Variants in ALPK1 observed in about 807,000 individuals in gnomAD.
The protein encoded by ALPK1 is alpha-protein kinase 1.
A neutral mutation model predicts 120.6 loss-of-function variants in ALPK1; 110 were observed. The ratio of observed to expected loss-of-function variants is 0.91; its 90% CI spans 0.78 to 1.07. ALPK1 has a LOEUF of 1.07. Ranked by LOEUF, ALPK1 falls within the 50% of genes least tolerant of loss-of-function variation. The probability of loss-of-function intolerance (pLI) is 0.00; values close to 1 mark genes in which losing one functional copy is unlikely to be tolerated. For synonymous variants in ALPK1, 582 were observed against 560.3 expected, an observed-to-expected ratio of 1.04 and a Z score of -0.55; for missense variants, 1,498 against 1,483.9, an observed-to-expected ratio of 1.01 and a Z score of -0.16.
intron 2 of ALPK1, among the ~76,000 whole-genome samples, chr4:112,372,936 G>A (rs550896922): frequency 6.6e-6 from 1 of 151,994 alleles, no homozygotes; most frequent in African/African-American, 2.4e-5. Context: ...ATGATATTGT[G>A]GTTTTATTTC....
chr4:112,432,680 T>TGAGTTC, intron 11 of ALPK1, 99 bp downstream of exon 11: 1 of 1,171,094 alleles, frequency 8.5e-7, no homozygotes, highest in Non-Finnish European at 1.2e-6. Context: ...TCATGAAAGG[T>TGAGTTC]ATAGAACCCT....
At chr4:112,405,048 G>A (rs373246185) in intron 4 of ALPK1, among the ~76,000 whole-genome samples, 1 of 152,168 alleles carries the variant, frequency 6.6e-6, no homozygotes, top group Non-Finnish European at 1.5e-5. Context: ...CCAGCTTTGG[G>A]TGGTTTCTTT....
chr4:112,319,219 A>C (rs1409847706), intron 2 of ALPK1, among the ~76,000 whole-genome samples: 2 of 152,178 alleles, frequency 1.3e-5, no homozygotes, highest in Non-Finnish European at 2.9e-5. Flanking sequence ...TTATGAGGTG[A>C]GGTTGGCAGC....
At chr4:112,307,079 C>A (rs528022268) in intron 1 of ALPK1, among the ~76,000 whole-genome samples, 1 of 152,168 alleles carries the variant, frequency 6.6e-6, no homozygotes, top group Admixed American at 6.5e-5. Flanking sequence ...GTTTCTTAAT[C>A]CTGAGTTTTA....
intron 1 of ALPK1, among the ~76,000 whole-genome samples, chr4:112,301,430 C>T (rs1047494951): frequency 2.0e-5 from 3 of 152,160 alleles, no homozygotes; most frequent in African/African-American, 7.2e-5. Context: ...AGCTCAGCAA[C>T]TGTTAGAAGC....
chr4:112,402,219 T>C (rs1732947132), intron 4 of ALPK1, among the ~76,000 whole-genome samples: 1 of 152,246 alleles, frequency 6.6e-6, no homozygotes, highest in South Asian at 2.1e-4. Flanking sequence ...CCCTTTACAC[T>C]GCTCCTGCCA....
chr4:112,411,645 T>G (rs568541558), intron 4 of ALPK1, 182 bp from the exon 5 acceptor site: 2 of 614,844 alleles, frequency 3.3e-6, no homozygotes, highest in Non-Finnish European at 5.7e-6. Context: ...AATACTATTT[T>G]ATTGCACAAT....
At chr4:112,428,364 C>T (rs1381582138) in intron 9 of ALPK1, among the ~76,000 whole-genome samples, 2 of 152,146 alleles carry the variant, frequency 1.3e-5, no homozygotes, top group South Asian at 2.1e-4. Context: ...GTCTATATTG[C>T]CATTTTTATT....
chr4:112,317,699 C>T (rs1047915342), intron 2 of ALPK1, among the ~76,000 whole-genome samples: 2 of 151,888 alleles, frequency 1.3e-5, no homozygotes, highest in Admixed American at 1.3e-4. Flanking sequence ...TATTCCAAGT[C>T]CCTTGAGATT....
At position 112,356,236 on chromosome 4, in the gene ALPK1, GA is replaced by G; in HGVS notation, c.-100-21440del. The G allele has an allele frequency of 2.6e-6, 4 of 1,534,042 alleles. 1 individual carries two copies. In the South Asian group the frequency reaches 4.5e-5, roughly 17 times the overall value. On this transcript the variant is annotated intron_variant, in intron 2 of 15. Coordinates refer to ENST00000650871, the MANE Select transcript of ALPK1 (RefSeq NM_025144.4). ...CCAAGGTCCTGGAATGTCTGCAGAT[GA>G]ATGGCATCCTGGAGAGCCCCGCGGG...
chr4:112,297,560 C>T (rs1727591439), intron 1 of ALPK1, 91 bp downstream of exon 1: 1 of 150,872 alleles, frequency 6.6e-6, no homozygotes, highest in Non-Finnish European at 1.5e-5. Flanking sequence ...TTTCCATCTG[C>T]TGATCTTGTT....
rs1301428389 is a variant in ALPK1, at chr4:112,337,011, G to A, written c.-101+21159G>A. On this transcript the variant is annotated intron_variant, in intron 2 of 15. Transcript: ENST00000650871. ...TATAAGTTTTCATGTTTTAAAATTG[G>A]ATTTGTACATCATAGTTTATTATAC... is the stretch of plus-strand genomic sequence containing the variant. Among the ~76,000 whole-genome samples, 4 of 151,862 alleles carry A rather than the reference G, an allele frequency of 2.6e-5. No homozygotes were observed. The East Asian group carries it at 5.8e-4, about 22-fold the overall frequency.
intron 4 of ALPK1, among the ~76,000 whole-genome samples, chr4:112,405,513 G>C (rs1733128013): frequency 6.6e-6 from 1 of 151,972 alleles, no homozygotes; most frequent in African/African-American, 2.4e-5. Flanking sequence ...AGGAAGCGGG[G>C]CCCCTAAAAC....
At chr4:112,432,622 G>T in intron 11 of ALPK1, 41 bp downstream of exon 11, 1 of 1,569,786 alleles carries the variant, frequency 6.4e-7, no homozygotes, top group Non-Finnish European at 8.6e-7. Context: ...TCAGGAAGCA[G>T]CTGTGTTGGG....
chr4:112,358,599 C>A, intron 2 of ALPK1: 1 of 723,132 alleles, frequency 1.4e-6, no homozygotes. Context: ...CTGCTGGCCG[C>A]CCTGGAGCAC....
rs57693786 is a variant in ALPK1 at position 112,387,639 on chromosome 4, G to A, written c.276+5087G>A. Among the ~76,000 whole-genome samples, 329 of 152,214 alleles carry A rather than the reference G, an allele frequency of 2.2e-3. 1 individual carries two copies. The highest frequency in any genetic ancestry group is 7.3e-3 in the African/African-American group (302 of 41,524). On this transcript the variant is annotated intron_variant, in intron 4 of 15. Coordinates refer to ENST00000650871, the MANE Select transcript of ALPK1 (RefSeq NM_025144.4). Reference sequence around the variant, plus strand: ...AGCCCTGATGTTGTAAATATTTTTGGAAAGTGTCTGTGGTGCCCTGGAGTG... The same window carrying A: ...AGCCCTGATGTTGTAAATATTTTTGAAAAGTGTCTGTGGTGCCCTGGAGTG...
chr4:112,350,362 A>T (rs117893883), intron 2 of ALPK1, among the ~76,000 whole-genome samples: 1 of 152,316 alleles, frequency 6.6e-6, no homozygotes, highest in East Asian at 1.9e-4. Context: ...CACAGCCCTG[A>T]CAATTTTATA....
At chr4:112,313,095 G>A (rs371357289) in intron 1 of ALPK1, among the ~76,000 whole-genome samples, 6 of 152,298 alleles carry the variant, frequency 3.9e-5, no homozygotes, top group South Asian at 4.1e-4. Flanking sequence ...ATCAAGTTAC[G>A]GTTGAAAATA....
At chr4:112,321,797 A>C (rs1192019068) in intron 2 of ALPK1, among the ~76,000 whole-genome samples, 1 of 152,194 alleles carries the variant, frequency 6.6e-6, no homozygotes, top group Non-Finnish European at 1.5e-5. Context: ...CAGTTGCATA[A>C]TATGCACTGC....
Sources: allele counts gnomAD v4.1 joint callset (sites outside exome capture counted in the v4.1 genomes callset), GRCh38; gene constraint gnomAD v4.1.1; transcripts MANE v1.5; gene names NCBI Gene and HGNC (gene_info 2026-07-23, HGNC 2026-07-21).